Variants in SP140L observed in about 807,000 individuals in gnomAD.
SP140L encodes nuclear body protein SP140-like protein.
A neutral mutation model predicts 84.3 loss-of-function variants in SP140L; 64 were observed. That is an observed-to-expected ratio of 0.76 (90% CI 0.62 to 0.94). SP140L has a LOEUF of 0.94. Ranked by LOEUF, SP140L falls within the 40% of genes least tolerant of loss-of-function variation. The pLI, the probability that SP140L is intolerant of heterozygous loss-of-function variation, is 0.00. For synonymous variants in SP140L, 242 were observed against 236.9 expected (o/e 1.02, Z -0.20); for missense variants, 628 against 692.5 (o/e 0.91, Z 1.05).
At chr2:230,401,864 G>C (rs2062356775) in intron 18 of SP140L, 57 bp downstream of exon 18, 1 of 1,592,276 alleles carries the variant, frequency 6.3e-7, no homozygotes, top group Admixed American at 1.8e-5. Flanking sequence ...CTCATTTTCT[G>C]GTGCCTAGAA....
intron 1 of SP140L, 108 bp downstream of exon 1, chr2:230,327,409 G>C: frequency 7.8e-7 from 1 of 1,276,726 alleles, no homozygotes; most frequent in Non-Finnish European, 1.1e-6. Context: ...TGCTTTGCAA[G>C]AACATAGGTA....
chr2:230,330,982 A>G (rs1313839110), intron 2 of SP140L, among the ~76,000 whole-genome samples: 1 of 152,276 alleles, frequency 6.6e-6, no homozygotes, highest in South Asian at 2.1e-4. Flanking sequence ...TGGTAATCAG[A>G]TCGGCTGTCA....
chr2:230,336,621 C>A (rs2059890642), intron 2 of SP140L, among the ~76,000 whole-genome samples: 1 of 152,176 alleles, frequency 6.6e-6, no homozygotes, highest in Admixed American at 6.5e-5. Context: ...TACACATCTA[C>A]TTAACCCAGA....
At chr2:230,399,056 C>T (rs570859860) in intron 14 of SP140L, among the ~76,000 whole-genome samples, 4 of 152,312 alleles carry the variant, frequency 2.6e-5, no homozygotes, top group East Asian at 1.9e-4. Context: ...CCAGGCTGCA[C>T]GTAATATTGA....
At chr2:230,401,343 T>C in intron 16 of SP140L, 23 bp from the exon 17 acceptor site, 1 of 1,601,562 alleles carries the variant, frequency 6.2e-7, no homozygotes, top group Non-Finnish European at 8.5e-7. Flanking sequence ...CTGCTTTTCA[T>C]TTACGGCCTC....
At chr2:230,347,595 G>T (rs944512184) in intron 2 of SP140L, among the ~76,000 whole-genome samples, 1 of 152,142 alleles carries the variant, frequency 6.6e-6, no homozygotes, top group South Asian at 2.1e-4. Context: ...GGCTGGGCAG[G>T]GTTACTATTT....
chr2:230,362,360 T>C (rs887513045), intron 5 of SP140L, among the ~76,000 whole-genome samples: 3 of 152,148 alleles, frequency 2.0e-5, no homozygotes, highest in African/African-American at 7.2e-5. Flanking sequence ...CTGAAATATA[T>C]ATTTCTTATT....
At chr2:230,337,302 G>A (rs898465194) in intron 2 of SP140L, among the ~76,000 whole-genome samples, 6 of 152,180 alleles carry the variant, frequency 3.9e-5, no homozygotes, top group Admixed American at 6.5e-5. Flanking sequence ...CTTTTGAGAA[G>A]TGTCTGTTCA....
intron 7 of SP140L, among the ~76,000 whole-genome samples, chr2:230,374,407 G>A (rs866074853): frequency 6.6e-6 from 1 of 152,134 alleles, no homozygotes; most frequent in Non-Finnish European, 1.5e-5. Flanking sequence ...GTTTATTATG[G>A]ATGATTAAAG....
chr2:230,385,152 T>C, intron 8 of SP140L, 72 bp from the exon 9 acceptor site: 1 of 1,477,760 alleles, frequency 6.8e-7, no homozygotes, highest in Non-Finnish European at 9.3e-7. Context: ...CTCCCTCACT[T>C]GCGTTTGGTC....
chr2:230,359,239 T>C, intron 4 of SP140L, 107 bp downstream of exon 4: 2 of 972,486 alleles, frequency 2.1e-6, no homozygotes, highest in South Asian at 3.0e-5. Flanking sequence ...GCAGTGGGCA[T>C]AGAGTAGTTA....
chr2:230,362,028 G>T (rs1575479448), intron 5 of SP140L, among the ~76,000 whole-genome samples: 4 of 152,302 alleles, frequency 2.6e-5, no homozygotes, highest in Non-Finnish European at 2.9e-5. Flanking sequence ...GAAGTGTTAA[G>T]AACCACAGCC....
intron 1 of SP140L, 56 bp from the exon 2 acceptor site, chr2:230,328,701 A>G (rs1367924230): frequency 6.3e-7 from 1 of 1,580,090 alleles, no homozygotes; most frequent in Non-Finnish European, 8.6e-7. Flanking sequence ...GGAATTGTTG[A>G]AGCAAAGGGT....
At chr2:230,363,442 G>C (rs1420055872) in intron 5 of SP140L, among the ~76,000 whole-genome samples, 4 of 151,546 alleles carry the variant, frequency 2.6e-5, no homozygotes, top group Admixed American at 6.6e-5. Context: ...TCACATACCT[G>C]ATGGTCATTT....
In SP140L at chr2:230,327,209, G is replaced by T; in HGVS notation, c.-61G>T. The T allele has an allele frequency of 1.3e-6, 2 of 1,564,108 alleles. No individual in the cohort carries two copies. The highest frequency in any genetic ancestry group is 8.7e-7 in the Non-Finnish European group (1 of 1,151,122). Reference sequence around the variant, plus strand: ...AGGGCAGCCACACTGCACGCAGGCTGGGCCGACTGGGGAGCTCATAGGCCA... The same window carrying T: ...AGGGCAGCCACACTGCACGCAGGCTTGGCCGACTGGGGAGCTCATAGGCCA... On this transcript the variant is annotated 5_prime_UTR_variant, in exon 1 of 19. Transcript: ENST00000415673.
intron 2 of SP140L, among the ~76,000 whole-genome samples, chr2:230,339,218 G>C (rs1034774345): frequency 6.6e-6 from 1 of 152,078 alleles, no homozygotes; most frequent in Non-Finnish European, 1.5e-5. Flanking sequence ...TCCTGGTTTA[G>C]TCTCGGGAGA....
At chr2:230,355,137 T>C (rs2060504632) in intron 2 of SP140L, among the ~76,000 whole-genome samples, 1 of 152,152 alleles carries the variant, frequency 6.6e-6, no homozygotes, top group East Asian at 1.9e-4. Context: ...AGGAAATAAT[T>C]GTTATTTTGG....
intron 2 of SP140L, among the ~76,000 whole-genome samples, chr2:230,347,972 G>A (rs2060259020): frequency 6.6e-6 from 1 of 152,186 alleles, no homozygotes; most frequent in South Asian, 2.1e-4. Context: ...TTCATTTCTG[G>A]TCAAACACAG....
chr2:230,354,183 AT>A, intron 2 of SP140L, among the ~76,000 whole-genome samples: 1 of 152,096 alleles, frequency 6.6e-6, no homozygotes, highest in Non-Finnish European at 1.5e-5. Flanking sequence ...ATATTGAAGT[AT>A]TTCCTCAAAT....
Sources: gnomAD v4.1 joint callset for allele counts (sites outside exome capture counted in the v4.1 genomes callset) on GRCh38, gnomAD v4.1.1 for gene constraint, MANE v1.5 for transcripts, NCBI Gene and HGNC (gene_info 2026-07-23, HGNC 2026-07-21) for gene names.